SLCO5A1: variants seen among roughly 807,000 people sequenced by gnomAD.
The protein encoded by SLCO5A1 is solute carrier organic anion transporter family member 5A1.
SLCO5A1 carries 39 observed loss-of-function variants against 65.1 expected under a neutral mutation model. The ratio of observed to expected loss-of-function variants is 0.60; its 90% CI spans 0.46 to 0.78. SLCO5A1 has a LOEUF of 0.78. Ranked by LOEUF, SLCO5A1 falls within the 30% of genes least tolerant of loss-of-function variation. The pLI, the probability that SLCO5A1 is intolerant of heterozygous loss-of-function variation, is 0.00. For synonymous variants in SLCO5A1, 438 were observed against 415.7 expected (o/e 1.05, Z -0.65); for missense variants, 1,029 against 1,069.4 (o/e 0.96, Z 0.53).
chr8:69,672,822 C>T lies in SLCO5A1; in HGVS notation c.*47G>A. 6.4e-7 allele frequency: 1 copy of T among 1,554,210 alleles called. No individual in the cohort carries two copies. The highest frequency in any genetic ancestry group is 1.4e-5 in the African/African-American group (1 of 72,438). On this transcript the variant is annotated 3_prime_UTR_variant, in exon 10 of 10. Coordinates refer to ENST00000260126, the MANE Select transcript of SLCO5A1 (RefSeq NM_030958.3). ...GAAGGCACAGTTGTTTCTCAAGTCG[C>T]CATTTTCAATTCAACCAACAAAACT...
intron 4 of SLCO5A1, among the ~76,000 whole-genome samples, chr8:69,749,172 T>C (rs998287645): frequency 1.3e-5 from 2 of 152,160 alleles, no homozygotes; most frequent in East Asian, 1.9e-4. Flanking sequence ...GCATATGCAA[T>C]GGTTCTGGGT....
chr8:69,786,677 G>A (rs962152594), intron 2 of SLCO5A1, among the ~76,000 whole-genome samples: 1 of 152,140 alleles, frequency 6.6e-6, no homozygotes, highest in African/African-American at 2.4e-5. Flanking sequence ...CAACTTAATA[G>A]TTGTTTTTGT....
chr8:69,677,601 G>T (rs1368886919), intron 8 of SLCO5A1, among the ~76,000 whole-genome samples: 3 of 152,076 alleles, frequency 2.0e-5, no homozygotes, highest in African/African-American at 4.8e-5. Context: ...AGAGCAATTT[G>T]CAAAGTGCTG....
chr8:69,719,152 C>G (rs1047736029), intron 5 of SLCO5A1, among the ~76,000 whole-genome samples: 1 of 152,186 alleles, frequency 6.6e-6, no homozygotes, highest in African/African-American at 2.4e-5. Context: ...ACCTTGCTCT[C>G]TGAATAAGAT....
intron 2 of SLCO5A1, among the ~76,000 whole-genome samples, chr8:69,829,151 C>G (rs1039991380): frequency 3.9e-5 from 6 of 152,200 alleles, no homozygotes; most frequent in African/African-American, 1.4e-4. Flanking sequence ...CTTAACGTCA[C>G]TAATGAACAG....
intron 2 of SLCO5A1, among the ~76,000 whole-genome samples, chr8:69,809,672 T>C (rs1249652197): frequency 6.6e-6 from 1 of 150,826 alleles, no homozygotes; most frequent in Non-Finnish European, 1.5e-5. Context: ...ATTATGATTA[T>C]GATTATTATT....
chr8:69,701,537 A>G (rs1206560836), intron 6 of SLCO5A1, among the ~76,000 whole-genome samples: 2 of 152,202 alleles, frequency 1.3e-5, no homozygotes, highest in Non-Finnish European at 2.9e-5. Context: ...TTGGGTCTCC[A>G]CAGTCCTTTA....
chr8:69,738,241 A>G (rs1816646409), intron 4 of SLCO5A1, 37 bp from the exon 5 acceptor site: 2 of 1,543,200 alleles, frequency 1.3e-6, no homozygotes, highest in Non-Finnish European at 1.8e-6. Context: ...AATGTTATAA[A>G]CAATGGATGG....
rs563119677 is a variant in SLCO5A1 at position 69,824,426 on chromosome 8, A to T, written c.907+7341T>A. 9.3e-4 allele frequency among the ~76,000 whole-genome samples: 142 copies of T among 152,316 alleles called. 1 individual carries two copies. Among genetic ancestry groups the T allele is most frequent in the Non-Finnish European group, 1.5e-3 (103 of 68,014 alleles). On this transcript the variant is annotated intron_variant, in intron 2 of 9. Coordinates refer to ENST00000260126, the MANE Select transcript of SLCO5A1 (RefSeq NM_030958.3). ...GAGAGAAGAATCAAATAGATGCAAT[A>T]AAAAATGATAAAGGGGATATCACCA...
At chr8:69,753,667 T>C (rs1817422580) in intron 4 of SLCO5A1, among the ~76,000 whole-genome samples, 1 of 152,166 alleles carries the variant, frequency 6.6e-6, no homozygotes, top group African/African-American at 2.4e-5. Context: ...TTATCTTACA[T>C]ATGACTTTAT....
intron 4 of SLCO5A1, among the ~76,000 whole-genome samples, chr8:69,749,056 GAGCAC>G (rs1391297459): frequency 6.6e-6 from 1 of 152,232 alleles, no homozygotes; most frequent in Non-Finnish European, 1.5e-5. Context: ...AGAAGACTAA[GAGCAC>G]AGGGCCCAGG....
chr8:69,715,111 C>G (rs974648261), intron 5 of SLCO5A1, among the ~76,000 whole-genome samples: 1 of 152,132 alleles, frequency 6.6e-6, no homozygotes, highest in African/African-American at 2.4e-5. Context: ...TCTGCATCCA[C>G]GCGATAAACC....
intron 5 of SLCO5A1, among the ~76,000 whole-genome samples, chr8:69,721,713 A>T (rs542409088): frequency 6.6e-6 from 1 of 152,328 alleles, no homozygotes; most frequent in South Asian, 2.1e-4. Context: ...TTACTTCAGG[A>T]TCATTTCTTT....
In SLCO5A1 at chr8:69,670,590, C is replaced by T. The variant is rs1813302722; in HGVS notation, c.*2279G>A. ...TTTCTTTGAGTTCTGGCCCAATCAT[C>T]CCAAAGGATTTTATGGAGTGGCAGA... On this transcript the variant is annotated 3_prime_UTR_variant, in exon 10 of 10. Transcript: ENST00000260126. 6.6e-6 allele frequency: 1 copy of T among 152,154 alleles called. No individual in the cohort carries two copies. The highest frequency in any genetic ancestry group is 6.5e-5 in the Admixed American group (1 of 15,278). The allele number at this position is 152,154 out of a possible 1,614,324, so 9.4% of individuals were successfully genotyped here.
At chr8:69,723,773 CTT>C (rs11444497) in intron 5 of SLCO5A1, among the ~76,000 whole-genome samples, 34 of 133,210 alleles carry the variant, frequency 2.6e-4, no homozygotes, top group Admixed American at 2.3e-4. Context: ...TTTTAGTATG[CTT>C]TTTTTTTTTT....
chr8:69,733,508 CT>C (rs1673369075), intron 5 of SLCO5A1, among the ~76,000 whole-genome samples: 2 of 152,182 alleles, frequency 1.3e-5, no homozygotes, highest in Admixed American at 1.3e-4. Context: ...CCCTGTATAA[CT>C]GCTCCTTCAG....
At chr8:69,763,548 A>G (rs980616047) in intron 2 of SLCO5A1, among the ~76,000 whole-genome samples, 3 of 136,140 alleles carry the variant, frequency 2.2e-5, no homozygotes. Context: ...TGAACCTGGT[A>G]GGCAGAGATT....
intron 3 of SLCO5A1, among the ~76,000 whole-genome samples, chr8:69,756,957 T>A (rs909443814): frequency 2.0e-4 from 30 of 152,322 alleles, no homozygotes; most frequent in African/African-American, 6.7e-4. Context: ...TCATAAATGC[T>A]CAACACATTC....
intron 2 of SLCO5A1, among the ~76,000 whole-genome samples, chr8:69,782,794 C>A (rs1020970993): frequency 2.0e-5 from 3 of 152,034 alleles, no homozygotes; most frequent in African/African-American, 4.8e-5. Flanking sequence ...GACAAAAGTG[C>A]CAAATGACCC....
Sources: allele counts gnomAD v4.1 joint callset (sites outside exome capture counted in the v4.1 genomes callset), GRCh38; gene constraint gnomAD v4.1.1; transcripts MANE v1.5; gene names NCBI Gene and HGNC (gene_info 2026-07-23, HGNC 2026-07-21).